The following CADPS variants were observed in gnomAD, a reference collection of about 807,000 sequenced individuals.
CADPS encodes the protein calcium dependent secretion activator.
A neutral mutation model predicts 167.3 loss-of-function variants in CADPS; 57 were observed. The observed-to-expected ratio is 0.34, with a 90% CI of 0.28 to 0.42. CADPS has a LOEUF of 0.42. CADPS is among the 20% of genes least tolerant of loss of function. The probability of loss-of-function intolerance (pLI) is 1.00; values close to 1 mark genes in which losing one functional copy is unlikely to be tolerated. For missense variants in CADPS, 1,414 were observed against 1,738.1 expected (o/e 0.81, Z 3.32); for synonymous variants, 676 against 635.3 (o/e 1.06, Z -0.96).
At chr3:62,604,766 C>T (rs769138945) in intron 6 of CADPS, among the ~76,000 whole-genome samples, 16 of 152,232 alleles carry the variant, frequency 1.1e-4, no homozygotes, top group Non-Finnish European at 1.3e-4. Context: ...TAAGGCTCTT[C>T]TGCCCCATCT....
intron 6 of CADPS, among the ~76,000 whole-genome samples, chr3:62,610,338 C>T (rs2061335602): frequency 6.6e-6 from 1 of 152,076 alleles, no homozygotes; most frequent in African/African-American, 2.4e-5. Flanking sequence ...GCAACCTTCG[C>T]TTCCCAGGTT....
chr3:62,599,659 A>G (rs1361787995), intron 6 of CADPS, among the ~76,000 whole-genome samples: 6 of 63,734 alleles, frequency 9.4e-5, no homozygotes, highest in Non-Finnish European at 1.6e-4. Flanking sequence ...TATATAATAT[A>G]ATATATATTA....
chr3:62,469,920 G>C (rs1038137019), intron 24 of CADPS, among the ~76,000 whole-genome samples: 1 of 152,124 alleles, frequency 6.6e-6, no homozygotes, highest in African/African-American at 2.4e-5. Context: ...CTTCTGATGG[G>C]CTGAGGTGCA....
intron 21 of CADPS, among the ~76,000 whole-genome samples, chr3:62,483,476 A>G (rs1245180683): frequency 1.3e-5 from 2 of 152,086 alleles, no homozygotes; most frequent in Admixed American, 6.5e-5. Context: ...TTCTTTCACA[A>G]TGGCAATATA....
chr3:62,645,311 A>G (rs558023365), intron 6 of CADPS, among the ~76,000 whole-genome samples: 14 of 152,338 alleles, frequency 9.2e-5, no homozygotes, highest in African/African-American at 2.4e-4. Context: ...TTAGTAATAT[A>G]ACCAAATTAC....
At chr3:62,527,288 C>T (rs2072523848) in intron 13 of CADPS, among the ~76,000 whole-genome samples, 2 of 152,130 alleles carry the variant, frequency 1.3e-5, no homozygotes. Context: ...GACCTTGGCA[C>T]TATTAACATT....
At chr3:62,689,802 T>C (rs1019121287) in intron 3 of CADPS, among the ~76,000 whole-genome samples, 1 of 152,024 alleles carries the variant, frequency 6.6e-6, no homozygotes, top group Non-Finnish European at 1.5e-5. Context: ...TGGAAAAGCT[T>C]CTAGAAAGAA....
chr3:62,680,802 G>T (rs148986331), intron 3 of CADPS, among the ~76,000 whole-genome samples: 1 of 152,130 alleles, frequency 6.6e-6, no homozygotes, highest in Non-Finnish European at 1.5e-5. Flanking sequence ...ATGAAACCAA[G>T]AATTTCTCTG....
intron 1 of CADPS, among the ~76,000 whole-genome samples, chr3:62,785,383 A>G (rs1047819354): frequency 6.6e-6 from 1 of 152,186 alleles, no homozygotes; most frequent in Non-Finnish European, 1.5e-5. Flanking sequence ...TGTTTGTGCC[A>G]CACTGCAAAC....
chr3:62,516,153 C>T lies in CADPS; in HGVS notation c.2487G>A (p.Val829=). 1 of 1,613,220 alleles carries T rather than the reference C, an allele frequency of 6.2e-7. No individual in the cohort carries two copies. The highest frequency in any genetic ancestry group is 8.5e-7 in the Non-Finnish European group (1 of 1,179,358). Residue 829 remains valine (V), a synonymous_variant, in exon 16 of 30, where the codon GTG becomes GTA. Transcript: ENST00000383710. ...RVLMKDIVTP[V]PQEEVKTVIR... ...TAACTGTTTTTACCTCCTCTTGTGG[C>T]ACTGGGGTAACAATATCTTTCATCA...
intron 23 of CADPS, 107 bp from the exon 24 acceptor site, chr3:62,474,427 G>T: frequency 9.9e-7 from 1 of 1,008,386 alleles, no homozygotes; most frequent in Non-Finnish European, 1.5e-6. Context: ...GCTGTAATCA[G>T]TTTCAGTCAA....
At chr3:62,834,388 T>C (rs17067237) in intron 1 of CADPS, among the ~76,000 whole-genome samples, 16,091 of 152,146 alleles carry the variant, frequency 0.11, 938 homozygotes, top group Admixed American at 0.14. Flanking sequence ...TATAGAAAAT[T>C]AGAACTAGAC....
chr3:62,726,385 A>T (rs993941433), intron 3 of CADPS, among the ~76,000 whole-genome samples: 2 of 151,888 alleles, frequency 1.3e-5, no homozygotes, highest in Non-Finnish European at 2.9e-5. Flanking sequence ...CTATATTCAA[A>T]TTTGTAATAA....
intron 1 of CADPS, among the ~76,000 whole-genome samples, chr3:62,871,137 G>A (rs1025088359): frequency 1.3e-5 from 2 of 152,144 alleles, no homozygotes; most frequent in Non-Finnish European, 2.9e-5. Flanking sequence ...TAATTAGGAA[G>A]ATTGTTGGAA....
chr3:62,676,554 TC>T (rs2076362989), intron 3 of CADPS, among the ~76,000 whole-genome samples: 1 of 152,040 alleles, frequency 6.6e-6, no homozygotes, highest in South Asian at 2.1e-4. Flanking sequence ...TTGGGGAAAA[TC>T]AGATACCTAA....
intron 1 of CADPS, among the ~76,000 whole-genome samples, chr3:62,805,118 A>T (rs1038869875): frequency 6.6e-6 from 1 of 152,164 alleles, no homozygotes; most frequent in African/African-American, 2.4e-5. Flanking sequence ...TCTACTAACT[A>T]CATGCCTATA....
intron 9 of CADPS, among the ~76,000 whole-genome samples, chr3:62,560,612 T>C (rs1485037729): frequency 3.9e-5 from 6 of 152,192 alleles, no homozygotes; most frequent in Non-Finnish European, 7.3e-5. Context: ...GGGATTTTCA[T>C]AGGGTAGGTA....
At chr3:62,559,402 T>C (rs1415624246) in intron 9 of CADPS, among the ~76,000 whole-genome samples, 1 of 152,088 alleles carries the variant, frequency 6.6e-6, no homozygotes, top group Non-Finnish European at 1.5e-5. Context: ...TACCAGGCCT[T>C]TCCAACTTGT....
At position 62,399,055 on chromosome 3, in the gene CADPS, G is replaced by A. The variant is rs1339250395; in HGVS notation, c.*351C>T. 1 of 173,304 alleles carries A rather than the reference G, an allele frequency of 5.8e-6. No homozygotes were observed. The highest frequency in any genetic ancestry group is 2.4e-5 in the African/African-American group (1 of 42,392). The allele number at this position is 173,304 out of a possible 1,614,324, so 10.7% of individuals were successfully genotyped here. Reference sequence around the variant, plus strand: ...CAGAGTGAATGTACTTGATGTACTTGCCCTCACATCCATTTACCACCAATG... The same window carrying A: ...CAGAGTGAATGTACTTGATGTACTTACCCTCACATCCATTTACCACCAATG... On this transcript the variant is annotated 3_prime_UTR_variant, in exon 30 of 30. Coordinates refer to ENST00000383710, the MANE Select transcript of CADPS (RefSeq NM_003716.4). The surrounding 1 kb of genome is among the most constrained non-coding windows in gnomAD (Gnocchi z 5.6).
Sources: gnomAD v4.1 joint callset for allele counts (sites outside exome capture counted in the v4.1 genomes callset) on GRCh38, gnomAD v4.1.1 for gene constraint, Gnocchi (gnomAD v3.1) non-coding constraint, MANE v1.5 for transcripts, NCBI Gene and HGNC (gene_info 2026-07-23, HGNC 2026-07-21) for gene names.